The following SLC9A9 variants were observed in gnomAD, a reference collection of about 807,000 sequenced individuals.
The protein encoded by SLC9A9 is solute carrier family 9 member A9.
A neutral mutation model predicts 77.8 loss-of-function variants in SLC9A9; 62 were observed. The ratio of observed to expected loss-of-function variants is 0.80; its 90% CI spans 0.65 to 0.98. The LOEUF is 0.98. SLC9A9 is among the 50% of genes least tolerant of loss of function. The probability of loss-of-function intolerance (pLI) is 0.00; values close to 1 mark genes in which losing one functional copy is unlikely to be tolerated. For missense variants in SLC9A9, 775 were observed against 774.9 expected (o/e 1.00, Z 0.00); for synonymous variants, 320 against 283.5 (o/e 1.13, Z -1.29).
At chr3:143,357,895 G>A (rs1026639245) in intron 14 of SLC9A9, among the ~76,000 whole-genome samples, 2 of 152,066 alleles carry the variant, frequency 1.3e-5, no homozygotes, top group Non-Finnish European at 2.9e-5. Flanking sequence ...GGGAAAAACC[G>A]CAGTACAGGA....
chr3:143,511,288 C>T (rs563255147), intron 9 of SLC9A9, among the ~76,000 whole-genome samples: 9 of 152,316 alleles, frequency 5.9e-5, no homozygotes, highest in African/African-American at 2.2e-4. Flanking sequence ...TATGGCCATC[C>T]TTTCCCTTGC....
chr3:143,398,848 A>G (rs1189180587), intron 12 of SLC9A9, among the ~76,000 whole-genome samples: 1 of 152,290 alleles, frequency 6.6e-6, no homozygotes, highest in Non-Finnish European at 1.5e-5. Context: ...TAAGCCCACA[A>G]TTGGAAGCAG....
chr3:143,449,888 AT>A lies in SLC9A9; in HGVS notation c.1469+17148del, dbSNP rs1365989524. Among the ~76,000 whole-genome samples, 461 of 66,902 alleles carry A rather than the reference AT, an allele frequency of 6.9e-3. 11 individuals carry two copies. Among genetic ancestry groups the A allele is most frequent in the African/African-American group, 0.031 (443 of 14,216 alleles). The allele number at this position is 66,902 out of a possible 152,430, so 43.9% of individuals were successfully genotyped here. ...ATAAAATATATAATTATATAAATAT[AT>A]AATTATATAACATATAATATAATAT... On this transcript the variant is annotated intron_variant, in intron 12 of 15. Transcript: ENST00000316549.
intron 14 of SLC9A9, among the ~76,000 whole-genome samples, chr3:143,331,332 T>C (rs927536019): frequency 6.6e-6 from 1 of 152,210 alleles, no homozygotes; most frequent in Non-Finnish European, 1.5e-5. Flanking sequence ...GGGAGCTAGA[T>C]GCATGCTACT....
rs57906338 is a variant in SLC9A9, at chr3:143,839,501, TACACACAC to T, written c.176-7288_176-7281del. The stretch of plus-strand genomic sequence containing the variant: ...CTTGGTTCCCAACAAACAACACACA[TACACACAC>T]ACACACACACACACACACATCACAA... On this transcript the variant is annotated intron_variant, in intron 1 of 15. Coordinates refer to ENST00000316549, the MANE Select transcript of SLC9A9 (RefSeq NM_173653.4). 4.3e-3 allele frequency among the ~76,000 whole-genome samples: 642 copies of T among 149,410 alleles called. 6 individuals carry two copies. Among genetic ancestry groups the T allele is most frequent in the African/African-American group, 0.013 (552 of 40,966 alleles).
At chr3:143,543,255 T>G (rs889454050) in intron 9 of SLC9A9, among the ~76,000 whole-genome samples, 3 of 152,204 alleles carry the variant, frequency 2.0e-5, no homozygotes, top group African/African-American at 7.2e-5. Flanking sequence ...CATTCTCAGC[T>G]GTCTTCCACA....
At chr3:143,346,185 A>G (rs1469522306) in intron 14 of SLC9A9, among the ~76,000 whole-genome samples, 1 of 152,204 alleles carries the variant, frequency 6.6e-6, no homozygotes, top group Admixed American at 6.5e-5. Flanking sequence ...AAACTCTCTC[A>G]GCATAAAAAA....
At chr3:143,567,502 C>T (rs1440730) in intron 8 of SLC9A9, among the ~76,000 whole-genome samples, 98,798 of 151,958 alleles carry the variant, frequency 0.65, 32,808 homozygotes, top group African/African-American at 0.79. Flanking sequence ...TTTCTCAATG[C>T]ACTTGTATAT....
At chr3:143,389,354 G>A (rs1434564347) in intron 12 of SLC9A9, among the ~76,000 whole-genome samples, 2 of 152,202 alleles carry the variant, frequency 1.3e-5, no homozygotes, top group Non-Finnish European at 2.9e-5. Context: ...TAAGTTAGCA[G>A]TGGTGGAAAA....
At chr3:143,444,677 C>A (rs1001043445) in intron 12 of SLC9A9, among the ~76,000 whole-genome samples, 2 of 152,148 alleles carry the variant, frequency 1.3e-5, no homozygotes, top group African/African-American at 4.8e-5. Flanking sequence ...GTCTTCCTAC[C>A]CCATCAGCTT....
chr3:143,547,007 T>C (rs187351640), intron 9 of SLC9A9, among the ~76,000 whole-genome samples: 263 of 152,308 alleles, frequency 1.7e-3, no homozygotes, highest in African/African-American at 6.2e-3. Flanking sequence ...GATGTTCATT[T>C]TCTTCATCTT....
intron 14 of SLC9A9, among the ~76,000 whole-genome samples, chr3:143,316,978 C>T (rs1473788548): frequency 6.6e-6 from 1 of 152,008 alleles, no homozygotes; most frequent in Non-Finnish European, 1.5e-5. Context: ...AATTCTGATC[C>T]TAGGGTTGCA....
intron 14 of SLC9A9, among the ~76,000 whole-genome samples, chr3:143,317,934 A>G (rs1029595984): frequency 6.6e-5 from 10 of 152,222 alleles, no homozygotes; most frequent in South Asian, 2.1e-4. Flanking sequence ...TCACCGTGTT[A>G]GCCAGGATGG....
intron 13 of SLC9A9, chr3:143,372,079 A>G: frequency 3.1e-6 from 1 of 323,688 alleles, no homozygotes; most frequent in Non-Finnish European, 6.1e-6. Flanking sequence ...ATCCAAATAA[A>G]TGGAAACATA....
chr3:143,412,377 C>T (rs554734396), intron 12 of SLC9A9, among the ~76,000 whole-genome samples: 3 of 152,220 alleles, frequency 2.0e-5, no homozygotes, highest in Admixed American at 6.5e-5. Flanking sequence ...AAAGTGCAGG[C>T]GTGATGACCC....
chr3:143,367,734 G>A (rs999166780), intron 13 of SLC9A9, among the ~76,000 whole-genome samples: 2 of 152,164 alleles, frequency 1.3e-5, no homozygotes, highest in African/African-American at 2.4e-5. Flanking sequence ...CTGAAGCAGA[G>A]ATCAGCTCAC....
intron 4 of SLC9A9, among the ~76,000 whole-genome samples, chr3:143,715,902 G>A (rs1934332585): frequency 6.6e-6 from 1 of 152,190 alleles, no homozygotes; most frequent in Admixed American, 6.5e-5. Flanking sequence ...TTGCCAAAGA[G>A]AACATCTTCA....
At position 143,429,451 on chromosome 3, in the gene SLC9A9, G is replaced by A. The variant is rs1576491205; in HGVS notation, c.1469+37586C>T. On this transcript the variant is annotated intron_variant, in intron 12 of 15. Transcript: ENST00000316549. ...ATAGGAAGAGAAAAGGAGGGGAGAA[G>A]GTAGAACAGATAAAAGGCAGAGCCT... is the stretch of plus-strand genomic sequence containing the variant. Among the ~76,000 whole-genome samples, 3 of 152,314 alleles carry A rather than the reference G, an allele frequency of 2.0e-5. No individual in the cohort carries two copies. In the East Asian group the frequency reaches 5.8e-4, roughly 29 times the overall value.
rs75668975 is a variant in SLC9A9 at position 143,375,512 on chromosome 3, G to A, written c.1524+6548C>T. Among the ~76,000 whole-genome samples, 37 of 152,282 alleles carry A rather than the reference G, an allele frequency of 2.4e-4. No individual in the cohort carries two copies. In the East Asian group the frequency reaches 6.9e-3, roughly 29 times the overall value. On this transcript the variant is annotated intron_variant, in intron 13 of 15. Transcript: ENST00000316549. ...CATTCTTGCCCTCTGTCATGGCCAGGAGAAAGACCTACTCAGGGTAGCCCC... is the reference window on the plus strand; with the variant it reads ...CATTCTTGCCCTCTGTCATGGCCAGAAGAAAGACCTACTCAGGGTAGCCCC...
Sources: allele counts gnomAD v4.1 joint callset (sites outside exome capture counted in the v4.1 genomes callset), GRCh38; gene constraint gnomAD v4.1.1; transcripts MANE v1.5; gene names NCBI Gene and HGNC (gene_info 2026-07-23, HGNC 2026-07-21).